ILDR2: variants seen among roughly 807,000 people sequenced by gnomAD.
The protein encoded by ILDR2 is immunoglobulin-like domain-containing receptor 2.
Under a neutral mutation model 66.8 loss-of-function variants are expected in ILDR2, and 25 were observed. That is an observed-to-expected ratio of 0.37 (90% CI 0.27 to 0.52). The LOEUF (loss-of-function observed/expected upper bound fraction) is 0.52. Ranked by LOEUF, ILDR2 falls within the 20% of genes least tolerant of loss-of-function variation. The probability of loss-of-function intolerance (pLI) is 0.88; values close to 1 mark genes in which losing one functional copy is unlikely to be tolerated. For synonymous variants in ILDR2, 367 were observed against 357.2 expected, an observed-to-expected ratio of 1.03 and a Z score of -0.31; for missense variants, 827 against 876.8, an observed-to-expected ratio of 0.94 and a Z score of 0.72.
At position 166,959,343 on chromosome 1, in the gene ILDR2, T is replaced by G. The variant is rs74119523; in HGVS notation, c.47-1242A>C. Among the ~76,000 whole-genome samples the G allele has an allele frequency of 7.9e-3, 1,207 of 152,344 alleles. 12 individuals carry two copies. Among genetic ancestry groups the G allele is most frequent in the African/African-American group, 0.028 (1,155 of 41,576 alleles). On this transcript the variant is annotated intron_variant, in intron 1 of 9. Transcript: ENST00000271417. Reference sequence around the variant, plus strand: ...AGACTCGTCAGGTGTGGAAGGTATCTTCCCTTGCTGCCCTGGCTTGTGAAG... The same window carrying G: ...AGACTCGTCAGGTGTGGAAGGTATCGTCCCTTGCTGCCCTGGCTTGTGAAG...
chr1:166,956,605 T>C (rs1484361112), intron 3 of ILDR2, 128 bp downstream of exon 3: 5 of 898,926 alleles, frequency 5.6e-6, no homozygotes, highest in Non-Finnish European at 8.3e-6. Flanking sequence ...TAAAAGGGAG[T>C]GTGCATGAAA....
chr1:166,966,074 A>T (rs903331942), intron 1 of ILDR2, among the ~76,000 whole-genome samples: 1 of 152,156 alleles, frequency 6.6e-6, no homozygotes, highest in African/African-American at 2.4e-5. Flanking sequence ...ATGCAGCTTG[A>T]ATCTTTTTTT....
chr1:166,920,583 G>A, intron 9 of ILDR2, 124 bp downstream of exon 9: 4 of 1,112,210 alleles, frequency 3.6e-6, no homozygotes, highest in Non-Finnish European at 4.7e-6. Context: ...AGGCCCCTGC[G>A]GCCTCTCCGG....
chr1:166,940,318 C>T (rs1012451944), intron 3 of ILDR2, among the ~76,000 whole-genome samples: 1 of 152,182 alleles, frequency 6.6e-6, no homozygotes, highest in Non-Finnish European at 1.5e-5. Context: ...GGCTGGAAGA[C>T]ATAAGGGAGC....
intron 3 of ILDR2, among the ~76,000 whole-genome samples, chr1:166,940,002 G>A (rs1661216667): frequency 6.6e-6 from 1 of 152,136 alleles, no homozygotes; most frequent in South Asian, 2.1e-4. Flanking sequence ...TACATATTTG[G>A]TTTTAACTCA....
At chr1:166,920,540 C>T (rs935888791) in intron 9 of ILDR2, 167 bp downstream of exon 9, 2 of 372,406 alleles carry the variant, frequency 5.4e-6, no homozygotes, top group South Asian at 1.1e-4. Flanking sequence ...AAAAAGCCCC[C>T]GGCCTAGCAT....
rs1303193386 is a variant in ILDR2 at position 166,915,457 on chromosome 1, C to A, written c.*3898G>T. On this transcript the variant is annotated 3_prime_UTR_variant, in exon 10 of 10. Coordinates refer to ENST00000271417, the MANE Select transcript of ILDR2 (RefSeq NM_199351.3). ...TAAAAATATGAATTCTGGCTCTAGA[C>A]CCACCCAATCAATCTCCAAAACAGG... 6.6e-6 allele frequency: 1 copy of A among 152,212 alleles called. No homozygotes were observed. Among genetic ancestry groups the A allele is most frequent in the Non-Finnish European group, 1.5e-5 (1 of 68,040 alleles). The allele number at this position is 152,212 out of a possible 1,614,324, so 9.4% of individuals were successfully genotyped here.
intron 2 of ILDR2, among the ~76,000 whole-genome samples, chr1:166,897,269 C>T (rs1489254858): frequency 6.6e-6 from 1 of 152,064 alleles, no homozygotes; most frequent in Non-Finnish European, 1.5e-5. Context: ...GGGAAGTTGG[C>T]GTGGCTTGGT....
intron 1 of ILDR2, among the ~76,000 whole-genome samples, chr1:166,969,569 G>A (rs968443850): frequency 1.3e-5 from 2 of 152,084 alleles, no homozygotes; most frequent in African/African-American, 4.8e-5. Flanking sequence ...CTGTTCTCAC[G>A]TGCTTTGCTG....
At position 166,922,755 on chromosome 1, in the gene ILDR2, C is replaced by G. The variant is rs754861502; in HGVS notation, c.1049G>C (p.Arg350Pro). 1 of 1,614,092 alleles carries G rather than the reference C, an allele frequency of 6.2e-7. No individual in the cohort carries two copies. The highest frequency in any genetic ancestry group is 8.5e-7 in the Non-Finnish European group (1 of 1,180,046). ...GCTTCTCATCTGATGGAAAGACTGG[C>G]GGAAATTGCTGTCCTCCTCATGTAG... ...SSLHEEDSNF[R>P]QSFHQMRSKQ... The change falls in exon 8 of 10, where the codon CGC becomes CCC. Residue 350 changes from arginine (R) to proline (P), a missense_variant. By Grantham distance (103) the Arg-to-Pro change is moderately radical. This residue lies in a region of ILDR2 where 437 missense variants were observed against 523.2 expected (regional missense o/e 0.84). Coordinates refer to ENST00000271417, the MANE Select transcript of ILDR2 (RefSeq NM_199351.3).
intron 3 of ILDR2, among the ~76,000 whole-genome samples, chr1:166,949,518 T>C (rs945794278): frequency 6.6e-6 from 1 of 152,188 alleles, no homozygotes; most frequent in Non-Finnish European, 1.5e-5. Context: ...ATACAAATCA[T>C]ACTTGAAGCA....
rs114434642 is a variant in ILDR2 at position 166,973,806 on chromosome 1, G to A, written c.46+1417C>T. Among the ~76,000 whole-genome samples the A allele has an allele frequency of 2.9e-3, 445 of 152,202 alleles. 3 individuals carry two copies. The highest frequency in any genetic ancestry group is 9.9e-3 in the African/African-American group (410 of 41,528). ...GGATCAGCCAAACCCTGAAATTAGA[G>A]ATGATTCATATCTGAATAATGTGGG... On this transcript the variant is annotated intron_variant, in intron 1 of 9. Transcript: ENST00000271417.
intron 9 of ILDR2, among the ~76,000 whole-genome samples, chr1:166,919,966 C>G (rs1659806892): frequency 6.6e-6 from 1 of 152,078 alleles, no homozygotes; most frequent in African/African-American, 2.4e-5. Context: ...GCCCTTGGTA[C>G]CCCACAGCGG....
intron 2 of ILDR2, among the ~76,000 whole-genome samples, chr1:166,901,625 C>T (rs1659267172): frequency 6.6e-6 from 1 of 152,162 alleles, no homozygotes; most frequent in Admixed American, 6.5e-5. Context: ...GACGTGACTT[C>T]CAAAAGGGAG....
At position 166,946,007 on chromosome 1, in the gene ILDR2, G is replaced by A. The variant is rs1204384146; in HGVS notation, c.500-6437C>T. Among the ~76,000 whole-genome samples, 4 of 152,142 alleles carry A rather than the reference G, an allele frequency of 2.6e-5. No individual in the cohort carries two copies. The South Asian group carries it at 6.2e-4, about 24-fold the overall frequency. ...CTAGATCCATTTTCAGGGATGTACTGTATCCACCCCCTGTTCTGTCATCTC... is the reference window on the plus strand; with the variant it reads ...CTAGATCCATTTTCAGGGATGTACTATATCCACCCCCTGTTCTGTCATCTC... On this transcript the variant is annotated intron_variant, in intron 3 of 9. Transcript: ENST00000271417.
Position 166,957,767 on chromosome 1 carries a change from AC to A in ILDR2, c.379+1del. On this transcript the variant is annotated splice_donor_variant, in intron 2 of 9. Transcript: ENST00000271417. LOFTEE classifies it high-confidence loss of function. Reference sequence around the variant, plus strand: ...CTAGATTCAAAATAGGGGCATTATTACCATGAACAATCGTGATCTCTCTGCC... The same window carrying A: ...CTAGATTCAAAATAGGGGCATTATTACATGAACAATCGTGATCTCTCTGCC... The A allele has an allele frequency of 6.2e-7, 1 of 1,602,710 alleles. No individual in the cohort carries two copies. Among genetic ancestry groups the A allele is most frequent in the South Asian group, 1.1e-5 (1 of 90,494 alleles).
At chr1:166,927,341 T>A (rs2101876089) in intron 6 of ILDR2, among the ~76,000 whole-genome samples, 161 bp from the exon 7 acceptor site, 1 of 152,342 alleles carries the variant, frequency 6.6e-6, no homozygotes, top group South Asian at 2.1e-4. Flanking sequence ...TGGGACCATA[T>A]CTGTGATCCC....
chr1:166,932,525 G>A (rs1660695892), intron 6 of ILDR2, among the ~76,000 whole-genome samples: 1 of 152,172 alleles, frequency 6.6e-6, no homozygotes, highest in Non-Finnish European at 1.5e-5. Flanking sequence ...GAGATGTGAG[G>A]TGGGAACAGG....
chr1:166,916,513 TAACA>T lies in ILDR2; in HGVS notation c.*2838_*2841del, dbSNP rs1371438274. The T allele has an allele frequency of 6.6e-6, 1 of 152,224 alleles. No individual in the cohort carries two copies. The highest frequency in any genetic ancestry group is 1.5e-5 in the Non-Finnish European group (1 of 68,034). 9.4% of individuals were successfully genotyped at this position (152,224 alleles called of 1,614,324 possible). On this transcript the variant is annotated 3_prime_UTR_variant, in exon 10 of 10. Coordinates refer to ENST00000271417, the MANE Select transcript of ILDR2 (RefSeq NM_199351.3). The stretch of plus-strand genomic sequence containing the variant: ...CTCCAATAAGACCTAGGAAAGAAGC[TAACA>T]AATATAACCATTTCCTGTGCAGGAC...
Sources: allele counts gnomAD v4.1 joint callset (sites outside exome capture counted in the v4.1 genomes callset), GRCh38; gene constraint gnomAD v4.1.1; regional missense constraint gnomAD v4.1.1; transcripts MANE v1.5; gene names NCBI Gene and HGNC (gene_info 2026-07-23, HGNC 2026-07-21).